ITGA7: variants seen among roughly 807,000 people sequenced by gnomAD.
ITGA7 encodes integrin subunit alpha 7.
In ITGA7, 84 loss-of-function variants were observed where a neutral mutation model predicts 131.6. The observed-to-expected ratio is 0.64, with a 90% CI of 0.54 to 0.77. ITGA7 has a LOEUF of 0.77. Among genes scored for constraint, ITGA7 ranks in the 30% least tolerant of loss-of-function variants. ITGA7 has a pLI of 0.00. For synonymous variants in ITGA7, 548 were observed against 600.7 expected (o/e 0.91, Z 1.28); for missense variants, 1,399 against 1,482.9 (o/e 0.94, Z 0.93).
intron 3 of ITGA7, among the ~76,000 whole-genome samples, chr12:55,702,281 G>A (rs923748862): frequency 4.6e-5 from 7 of 151,762 alleles, no homozygotes; most frequent in Admixed American, 1.3e-4. Context: ...TCCGGTTCAC[G>A]CCATTCTCCT....
chr12:55,687,850 A>G (rs922871045), intron 24 of ITGA7, 121 bp downstream of exon 24: 5 of 1,308,766 alleles, frequency 3.8e-6, no homozygotes, highest in South Asian at 3.6e-5. Flanking sequence ...CATGCAGGGC[A>G]AGTGTTCAGT....
upstream of ITGA7, chr12:55,715,967 C>CT (rs916648527): frequency 1.4e-6 from 2 of 1,450,524 alleles, no homozygotes; most frequent in African/African-American, 2.9e-5. Context: ...CTCCGCAACC[C>CT]TCTACCTCTC....
chr12:55,707,341 T>TTGGGATG (rs1875415322), intron 1 of ITGA7, 136 bp downstream of exon 1: 4 of 707,796 alleles, frequency 5.7e-6, no homozygotes, highest in Middle Eastern at 4.1e-4. Context: ...AGGCTCCAGG[T>TTGGGATG]TGGGATGTGG....
Position 55,685,038 on chromosome 12 carries a change from C to A in ITGA7, c.*20G>T, listed in dbSNP as rs781182880. 3.2e-6 allele frequency: 5 copies of A among 1,553,452 alleles called. No homozygotes were observed. In the East Asian group the frequency reaches 1.1e-4, roughly 35 times the overall value. On this transcript the variant is annotated 3_prime_UTR_variant, in exon 25 of 25. Transcript: ENST00000257879. ...GGAAGGGATGGAGGGCAGCCACAGG[C>A]CAGGCTGGGACATGGGAACCTAGGC...
rs1290795442 is a variant in ITGA7, at chr12:55,696,887, G to A, written c.1737+12C>T. The stretch of plus-strand genomic sequence containing the variant: ...GAAAATGACCCTCAGAAGCCAAGGG[G>A]TCAGTGTCCACCTGGAGCTGGAACA... On this transcript the variant is annotated intron_variant, in intron 12 of 24. Coordinates refer to ENST00000257879, the MANE Select transcript of ITGA7 (RefSeq NM_002206.3). The A allele has an allele frequency of 3.7e-6, 6 of 1,614,022 alleles. No homozygotes were observed. The highest frequency in any genetic ancestry group is 1.7e-5 in the Admixed American group (1 of 60,020).
chr12:55,695,555 C>G lies in ITGA7; in HGVS notation c.1970G>C (p.Arg657Pro). The G allele has an allele frequency of 6.2e-7, 1 of 1,613,870 alleles. No individual in the cohort carries two copies. ...AGGTTGGAATTCCGTGTCGCTGACC[C>G]GGGTACAGAAGCGGGCGCGGACCAG... ...LQLVRARFCT[R>P]VSDTEFQPLP... Residue 657 changes from arginine (R) to proline (P), a missense_variant, in exon 14 of 25, where the codon CGG becomes CCG. Physicochemically the swap from Arg to Pro is moderately radical, Grantham distance 103. Transcript: ENST00000257879.
At chr12:55,687,734 C>A (rs980601661) in intron 24 of ITGA7, among the ~76,000 whole-genome samples, 4 of 152,178 alleles carry the variant, frequency 2.6e-5, no homozygotes, top group African/African-American at 9.7e-5. Flanking sequence ...AAGTGATCCA[C>A]CTGCCTAGGC....
chr12:55,703,118 TC>T lies in ITGA7; in HGVS notation c.266del (p.Gly89GlufsTer8). On this transcript the variant is annotated frameshift_variant, in exon 2 of 25. Coordinates refer to ENST00000257879, the MANE Select transcript of ITGA7 (RefSeq NM_002206.3). LOFTEE classifies it high-confidence loss of function. ...GGCTCAACGGGCAAGCGAAGAGGCC[TC>T]CAGTGCGATTCGCCTGCTGCCCAGG... is the stretch of plus-strand genomic sequence containing the variant. ...ALPGQQANRTGGLFACPLSLE... is the reference protein window; with the variant it reads ...ALPGQQANRTXGLFACPLSLE... 1 of 1,613,854 alleles carries T rather than the reference TC, an allele frequency of 6.2e-7. No individual in the cohort carries two copies. The highest frequency in any genetic ancestry group is 8.5e-7 in the Non-Finnish European group (1 of 1,180,020).
chr12:55,699,723 C>G, intron 5 of ITGA7, 147 bp downstream of exon 5: 2 of 1,085,810 alleles, frequency 1.8e-6, no homozygotes, highest in Non-Finnish European at 1.4e-6. Context: ...GGACCCAGCT[C>G]TTCTCTGCAA....
At chr12:55,716,340 G>A (rs1302775863), upstream of ITGA7, 1 of 1,476,350 alleles carries the variant, frequency 6.8e-7, no homozygotes, top group East Asian at 2.6e-5. Flanking sequence ...ATTTCAGAGA[G>A]GCTTTTTTTG....
chr12:55,716,112 C>T, upstream of ITGA7: 1 of 1,606,298 alleles, frequency 6.2e-7, no homozygotes. Context: ...GCCCGGCGTA[C>T]CCAGCCCCCA....
chr12:55,696,354 C>G lies in ITGA7; in HGVS notation c.1816G>C (p.Ala606Pro). 1 of 1,589,866 alleles carries G rather than the reference C, an allele frequency of 6.3e-7. No homozygotes were observed. The change falls in exon 13 of 25, where the codon GCT (alanine) becomes CCT (proline). Residue 606 changes from alanine to proline, a missense_variant. Transcript: ENST00000257879. ...SLQTPRLRRQAPGQGLPPVAP... is the reference protein window; with the variant it reads ...SLQTPRLRRQPPGQGLPPVAP... ...ACTGGAGGCAGCCCCTGGCCAGGAG[C>G]CTGTCGCCGGAGCCGAGGGGTCTGG...
upstream of ITGA7, chr12:55,712,367 G>T: frequency 1.2e-6 from 1 of 814,236 alleles, no homozygotes; most frequent in Non-Finnish European, 2.1e-6. Flanking sequence ...TTGAAGCCCA[G>T]CCAGATCTCC....
At chr12:55,685,389 G>T in intron 24 of ITGA7, 101 bp from the exon 25 acceptor site, 1 of 1,074,624 alleles carries the variant, frequency 9.3e-7, no homozygotes, top group Non-Finnish European at 1.4e-6. Context: ...CATCCCTGCT[G>T]CGGCAGAAAG....
chr12:55,701,268 C>T (rs1444778690), intron 3 of ITGA7, 114 bp from the exon 4 acceptor site: 1 of 1,557,812 alleles, frequency 6.4e-7, no homozygotes, highest in African/African-American at 1.4e-5. Context: ...CTCACATGCA[C>T]ATGCACATGC....
intron 14 of ITGA7, 111 bp from the exon 15 acceptor site, chr12:55,695,081 C>T: frequency 9.4e-7 from 1 of 1,061,912 alleles, no homozygotes; most frequent in Non-Finnish European, 1.4e-6. Context: ...TCTCTTCCCA[C>T]CCCAGGTCCC....
upstream of ITGA7, among the ~76,000 whole-genome samples, chr12:55,710,938 T>C (rs1054742308): frequency 2.6e-5 from 4 of 152,194 alleles, no homozygotes; most frequent in Non-Finnish European, 5.9e-5. Flanking sequence ...TTTTGTATCT[T>C]GATTGTGGTG....
intron 12 of ITGA7, 133 bp from the exon 13 acceptor site, chr12:55,696,565 A>C: frequency 3.8e-6 from 4 of 1,059,474 alleles, no homozygotes; most frequent in Non-Finnish European, 5.7e-6. Context: ...GAGGTGGAGA[A>C]CTGAGCAAGG....
chr12:55,685,740 C>T (rs1262343386), intron 24 of ITGA7, among the ~76,000 whole-genome samples: 1 of 152,216 alleles, frequency 6.6e-6, no homozygotes, highest in African/African-American at 2.4e-5. Flanking sequence ...GTACCTTGGG[C>T]GGCACGCCCC....
Sources: gnomAD v4.1 joint callset for allele counts (sites outside exome capture counted in the v4.1 genomes callset) on GRCh38, gnomAD v4.1.1 for gene constraint, MANE v1.5 for transcripts, NCBI Gene and HGNC (gene_info 2026-07-23, HGNC 2026-07-21) for gene names.